Variants in CTNNBL1 observed in about 807,000 individuals in gnomAD.
The protein encoded by CTNNBL1 is beta-catenin-like protein 1.
A neutral mutation model predicts 72.7 loss-of-function variants in CTNNBL1; 31 were observed. The observed-to-expected ratio is 0.43, with a 90% CI of 0.32 to 0.58. The LOEUF (loss-of-function observed/expected upper bound fraction) is 0.58, where lower values mean the gene tolerates loss of function less well. Ranked by LOEUF, CTNNBL1 falls within the 20% of genes least tolerant of loss-of-function variation. CTNNBL1 has a pLI of 0.08. For synonymous variants in CTNNBL1, 240 were observed against 267.3 expected (o/e 0.90, Z 1.00); for missense variants, 534 against 725.1 (o/e 0.74, Z 3.03).
intron 6 of CTNNBL1, among the ~76,000 whole-genome samples, chr20:37,767,084 G>A (rs112601622): frequency 6.6e-6 from 1 of 151,992 alleles, no homozygotes; most frequent in South Asian, 2.1e-4. Context: ...CAGGAGGTGT[G>A]GTGATTTCTT....
chr20:37,694,264 T>TC (rs1371940002), intron 1 of CTNNBL1, 112 bp downstream of exon 1: 1 of 940,640 alleles, frequency 1.1e-6, no homozygotes, highest in Non-Finnish European at 1.5e-6. Flanking sequence ...CCCTCTAACT[T>TC]CTCATGCCAC....
intron 10 of CTNNBL1, among the ~76,000 whole-genome samples, chr20:37,798,261 A>G (rs1483524058): frequency 1.3e-5 from 2 of 152,248 alleles, no homozygotes; most frequent in African/African-American, 4.8e-5. Context: ...GTGTTTTTGC[A>G]TAATAAAGAA....
chr20:37,767,889 G>T (rs562217404), intron 6 of CTNNBL1, 64 bp from the exon 7 acceptor site: 1 of 1,323,512 alleles, frequency 7.6e-7, no homozygotes, highest in East Asian at 2.3e-5. Flanking sequence ...GTCATGGGAA[G>T]CAAGCTTGTT....
At chr20:37,761,316 AC>A (rs1323939524) in intron 5 of CTNNBL1, among the ~76,000 whole-genome samples, 18 of 152,136 alleles carry the variant, frequency 1.2e-4, no homozygotes, top group African/African-American at 4.1e-4. Context: ...CCAGGGGACT[AC>A]CCTCCATACT....
Position 37,851,124 on chromosome 20 carries a change from C to T in CTNNBL1, c.1392+8705C>T, listed in dbSNP as rs554385168. 8.5e-5 allele frequency among the ~76,000 whole-genome samples: 13 copies of T among 152,276 alleles called. No individual in the cohort carries two copies. In the East Asian group the frequency reaches 1.5e-3, roughly 18 times the overall value. On this transcript the variant is annotated intron_variant, in intron 13 of 15. Transcript: ENST00000361383. ...CAACCCTGCGGAAATGGCACCTTGG[C>T]GCTACACATACCACCTCCTTGTGTG...
chr20:37,829,733 T>C (rs757988598), intron 11 of CTNNBL1, among the ~76,000 whole-genome samples: 11 of 152,206 alleles, frequency 7.2e-5, no homozygotes, highest in Non-Finnish European at 1.0e-4. Flanking sequence ...ACTCTGATGC[T>C]ACCTTTCCTA....
chr20:37,860,407 C>T (rs2072482078), intron 15 of CTNNBL1, 63 bp downstream of exon 15: 1 of 1,294,268 alleles, frequency 7.7e-7, no homozygotes, highest in Non-Finnish European at 1.1e-6. Context: ...CTTTCTGAGC[C>T]TCTGTCAGTA....
chr20:37,701,471 A>AGG (rs1363901004), intron 1 of CTNNBL1, among the ~76,000 whole-genome samples: 1 of 152,220 alleles, frequency 6.6e-6, no homozygotes, highest in Non-Finnish European at 1.5e-5. Flanking sequence ...GGAGCAAGAC[A>AGG]GACATTTAGA....
intron 10 of CTNNBL1, among the ~76,000 whole-genome samples, chr20:37,787,578 T>C (rs2073689187): frequency 1.3e-5 from 2 of 152,194 alleles, no homozygotes; most frequent in South Asian, 4.1e-4. Context: ...TCTCCTGACC[T>C]CGTGATCCGC....
At chr20:37,782,935 A>T (rs1338789155) in intron 10 of CTNNBL1, among the ~76,000 whole-genome samples, 1 of 152,182 alleles carries the variant, frequency 6.6e-6, no homozygotes, top group Non-Finnish European at 1.5e-5. Flanking sequence ...AATTATATTT[A>T]AAATTTAGTT....
chr20:37,697,607 G>T (rs907716768), intron 1 of CTNNBL1, among the ~76,000 whole-genome samples: 1 of 152,132 alleles, frequency 6.6e-6, no homozygotes, highest in Non-Finnish European at 1.5e-5. Flanking sequence ...TGAGAGATAC[G>T]GTAGATACCT....
intron 1 of CTNNBL1, among the ~76,000 whole-genome samples, chr20:37,714,107 A>T (rs1276996926): frequency 1.3e-5 from 2 of 151,996 alleles, no homozygotes; most frequent in African/African-American, 4.8e-5. Context: ...TCGAGAATAA[A>T]CTGCCGCAGA....
At chr20:37,694,184 G>A in intron 1 of CTNNBL1, 32 bp downstream of exon 1, 1 of 1,573,312 alleles carries the variant, frequency 6.4e-7, no homozygotes, top group Non-Finnish European at 8.6e-7. Flanking sequence ...GAGCGACCGC[G>A]TTCTCACCTG....
At chr20:37,850,244 G>A (rs924694127) in intron 13 of CTNNBL1, among the ~76,000 whole-genome samples, 1 of 152,034 alleles carries the variant, frequency 6.6e-6, no homozygotes, top group African/African-American at 2.4e-5. Context: ...CTGAATTTAA[G>A]TAAATTTAGA....
chr20:37,776,175 T>C (rs1412790227), intron 7 of CTNNBL1, among the ~76,000 whole-genome samples: 1 of 152,218 alleles, frequency 6.6e-6, no homozygotes, highest in Non-Finnish European at 1.5e-5. Flanking sequence ...GAGCATACCT[T>C]ACATTTAGCA....
intron 11 of CTNNBL1, among the ~76,000 whole-genome samples, chr20:37,838,896 GA>G (rs148361105): frequency 6.6e-6 from 1 of 151,956 alleles, no homozygotes; most frequent in Non-Finnish European, 1.5e-5. Context: ...AAAAATTAAG[GA>G]AAAAAAGTTG....
intron 15 of CTNNBL1, among the ~76,000 whole-genome samples, chr20:37,862,778 C>T (rs973223226): frequency 1.2e-4 from 17 of 144,798 alleles, no homozygotes; most frequent in Non-Finnish European, 2.4e-4. Context: ...CCCTTCATTT[C>T]TCTCCCCATC....
chr20:37,712,718 G>A (rs2072949685), intron 1 of CTNNBL1, among the ~76,000 whole-genome samples: 1 of 152,248 alleles, frequency 6.6e-6, no homozygotes, highest in Admixed American at 6.5e-5. Flanking sequence ...TCCACTGGGA[G>A]TTCTGCCATC....
At chr20:37,777,778 C>A (rs1253792391) in intron 9 of CTNNBL1, 66 bp downstream of exon 9, 5 of 1,512,338 alleles carry the variant, frequency 3.3e-6, no homozygotes, top group Non-Finnish European at 4.6e-6. Context: ...GGAGGTGGAG[C>A]TGGAAACTGT....
Sources: gnomAD v4.1 joint callset for allele counts (sites outside exome capture counted in the v4.1 genomes callset) on GRCh38, gnomAD v4.1.1 for gene constraint, MANE v1.5 for transcripts, NCBI Gene and HGNC (gene_info 2026-07-23, HGNC 2026-07-21) for gene names.